The following DCAF8L2 variants were observed in gnomAD, a reference collection of about 807,000 sequenced individuals.
DCAF8L2 encodes DDB1- and CUL4-associated factor 8-like protein 2.
For synonymous variants in DCAF8L2, 200 were observed against 190.9 expected (o/e 1.05, Z -0.39); for missense variants, 430 against 490.7 (o/e 0.88, Z 1.17).
At chrX:27,568,589 T>C in the DCAF8L2 span, among the ~76,000 whole-genome samples, 4 of 110,859 alleles carry the variant, frequency 3.6e-5, no homozygotes, top group South Asian at 1.5e-3. Flanking sequence ...GTCTTTGTGA[T>C]ATTTTTATTC....
At chrX:27,587,415 G>A (rs1425031598), upstream of DCAF8L2, among the ~76,000 whole-genome samples, 1 of 111,499 alleles carries the variant, frequency 9.0e-6, no homozygotes, top group Non-Finnish European at 1.9e-5. Flanking sequence ...GAAAGAATTA[G>A]TAGGCCCCTG....
At chrX:27,710,375 T>C (rs991773361) in intron 3 of DCAF8L2, among the ~76,000 whole-genome samples, 1 of 111,600 alleles carries the variant, frequency 9.0e-6, no homozygotes, top group Non-Finnish European at 1.9e-5. Context: ...ATAGATAAAT[T>C]TGGGTGTAAC....
At chrX:27,568,733 C>CAT in the DCAF8L2 span, among the ~76,000 whole-genome samples, 1 of 106,059 alleles carries the variant, frequency 9.4e-6, no homozygotes, top group South Asian at 4.2e-4. Flanking sequence ...AGATTAGTTA[C>CAT]ATATGTATAC....
At chrX:27,560,995 G>C in the DCAF8L2 span, among the ~76,000 whole-genome samples, 2 of 112,226 alleles carry the variant, frequency 1.8e-5, no homozygotes, top group Non-Finnish European at 3.8e-5. Flanking sequence ...TCTTTTCAAA[G>C]CTGGCAGCCT....
chrX:27,532,133 C>A, the DCAF8L2 span, among the ~76,000 whole-genome samples: 2 of 109,710 alleles, frequency 1.8e-5, no homozygotes, highest in African/African-American at 6.6e-5. Flanking sequence ...TCTAGTGGGG[C>A]AATAAGCACA....
At chrX:27,529,518 C>G in the DCAF8L2 span, among the ~76,000 whole-genome samples, 106 of 111,412 alleles carry the variant, frequency 9.5e-4, no homozygotes, top group African/African-American at 2.8e-3. Context: ...CAAGGTGTTA[C>G]AAGAAATTGG....
chrX:27,720,616 AC>A (rs1931868502), intron 4 of DCAF8L2, among the ~76,000 whole-genome samples: 1 of 109,824 alleles, frequency 9.1e-6, no homozygotes, highest in East Asian at 2.9e-4. Flanking sequence ...CTCATGACCC[AC>A]CCGCCTCGGC....
chrX:27,492,300 T>C, the DCAF8L2 span, among the ~76,000 whole-genome samples: 6 of 112,045 alleles, frequency 5.4e-5, no homozygotes, highest in Non-Finnish European at 9.4e-5. Flanking sequence ...CTTTTGTTTG[T>C]CTATTCACTG....
intron 4 of DCAF8L2, among the ~76,000 whole-genome samples, chrX:27,721,454 G>A (rs994072891): frequency 2.7e-5 from 3 of 111,294 alleles, no homozygotes; most frequent in Admixed American, 9.6e-5. Context: ...AATACTAAAC[G>A]TATTTAAATA....
intron 4 of DCAF8L2, among the ~76,000 whole-genome samples, chrX:27,745,726 G>T (rs1052860627): frequency 1.4e-4 from 16 of 111,560 alleles, no homozygotes; most frequent in African/African-American, 4.9e-4. Flanking sequence ...GCAGTTTACT[G>T]TAGCCCTTTG....
At chrX:27,509,121 G>A in the DCAF8L2 span, among the ~76,000 whole-genome samples, 1 of 111,575 alleles carries the variant, frequency 9.0e-6, no homozygotes, top group African/African-American at 3.3e-5. Flanking sequence ...TTAGGTGATA[G>A]ATACAACATT....
intron 3 of DCAF8L2, among the ~76,000 whole-genome samples, chrX:27,699,537 G>A (rs1212653833): frequency 1.8e-5 from 2 of 111,601 alleles, no homozygotes; most frequent in Non-Finnish European, 3.8e-5. Flanking sequence ...GGTCTATAGA[G>A]GAGCAAATGT....
chrX:27,531,305 T>C, the DCAF8L2 span, among the ~76,000 whole-genome samples: 1 of 111,077 alleles, frequency 9.0e-6, no homozygotes, highest in African/African-American at 3.3e-5. Context: ...AACCATCAGA[T>C]CTCATGAGAC....
the DCAF8L2 span, among the ~76,000 whole-genome samples, chrX:27,499,839 G>T: frequency 4.6e-5 from 5 of 108,541 alleles, no homozygotes; most frequent in African/African-American, 6.9e-5. Flanking sequence ...TTGGTGGTGG[G>T]GGGGGGTACA....
chrX:27,490,493 G>T, the DCAF8L2 span, among the ~76,000 whole-genome samples: 1 of 109,377 alleles, frequency 9.1e-6, no homozygotes, highest in South Asian at 3.9e-4. Context: ...ACGGAGTCTC[G>T]CTCTGTCGCC....
chrX:27,617,452 T>C (rs768469459), intron 1 of DCAF8L2, among the ~76,000 whole-genome samples: 1 of 110,825 alleles, frequency 9.0e-6, no homozygotes, highest in Non-Finnish European at 1.9e-5. Context: ...TTAAACATTA[T>C]CCTTCATGGA....
intron 2 of DCAF8L2, among the ~76,000 whole-genome samples, chrX:27,659,114 G>T (rs1426356753): frequency 1.8e-5 from 2 of 111,475 alleles, no homozygotes; most frequent in Non-Finnish European, 3.8e-5. Context: ...TTTCACTAAT[G>T]CTTATGGCCT....
At chrX:27,726,955 T>A (rs968732528) in intron 4 of DCAF8L2, among the ~76,000 whole-genome samples, 6 of 111,881 alleles carry the variant, frequency 5.4e-5, no homozygotes, top group African/African-American at 1.9e-4. Context: ...GATCAGGGGA[T>A]CTGCATATCT....
At chrX:27,655,158 CTT>C (rs201391930) in intron 2 of DCAF8L2, among the ~76,000 whole-genome samples, 2,064 of 111,551 alleles carry the variant, frequency 0.019, 39 homozygotes, top group African/African-American at 0.062. Context: ...ATATTAAACT[CTT>C]TGTACAGTGC....
Sources: allele counts gnomAD v4.1 joint callset (sites outside exome capture counted in the v4.1 genomes callset), GRCh38; gene constraint gnomAD v4.1.1; transcripts MANE v1.5; gene names NCBI Gene and HGNC (gene_info 2026-07-23, HGNC 2026-07-21).